Variants in KIAA1549L observed in about 807,000 individuals in gnomAD.
KIAA1549L encodes the protein UPF0606 protein KIAA1549L.
A neutral mutation model predicts 160.7 loss-of-function variants in KIAA1549L; 88 were observed. That is an observed-to-expected ratio of 0.55 (90% CI 0.46 to 0.65). The LOEUF is 0.65. KIAA1549L is among the 30% of genes least tolerant of loss of function. The pLI is 0.00. For synonymous variants in KIAA1549L, 950 were observed against 976.7 expected (o/e 0.97, Z 0.51); for missense variants, 2,258 against 2,437.5 (o/e 0.93, Z 1.55).
intron 1 of KIAA1549L, among the ~76,000 whole-genome samples, chr11:33,463,123 T>C (rs1010840474): frequency 4.6e-5 from 7 of 152,140 alleles, no homozygotes; most frequent in African/African-American, 1.4e-4. Flanking sequence ...GCCACCATGC[T>C]CAGCCAGCTT....
chr11:33,506,586 G>T (rs2133097577), intron 1 of KIAA1549L, among the ~76,000 whole-genome samples: 1 of 151,984 alleles, frequency 6.6e-6, no homozygotes, highest in East Asian at 1.9e-4. Context: ...ACTGGGCATG[G>T]TGGCATTTAG....
intron 16 of KIAA1549L, among the ~76,000 whole-genome samples, chr11:33,632,389 A>G (rs1017084854): frequency 3.4e-4 from 52 of 152,216 alleles, no homozygotes; most frequent in Non-Finnish European, 1.5e-4. Context: ...CCAGCCCTTC[A>G]TGAATCACTG....
At chr11:33,560,457 C>T (rs898624022) in intron 7 of KIAA1549L, among the ~76,000 whole-genome samples, 7 of 152,194 alleles carry the variant, frequency 4.6e-5, no homozygotes, top group Admixed American at 4.6e-4. Context: ...GAGGCTCGGT[C>T]CTGCCTCCAG....
rs758957577 is a variant in KIAA1549L at position 33,645,900 on chromosome 11, C to A, written c.5624C>A (p.Ala1875Asp). The change falls in exon 17 of 21, where the codon GCC becomes GAC. Residue 1875 changes from alanine (A) to aspartate (D), a missense_variant. By Grantham distance (126) the Ala-to-Asp change is moderately radical. Coordinates refer to ENST00000658780, the MANE Select transcript of KIAA1549L (RefSeq NM_012194.3). ...GHAGQSRHQEAYGSAQHLPYS... is the reference protein window; with the variant it reads ...GHAGQSRHQEDYGSAQHLPYS... ...GCAGGCCAGAGCCGGCACCAAGAGG[C>A]CTACGGCTCAGCCCAGCACCTGCCC... The A allele has an allele frequency of 8.7e-6, 14 of 1,613,674 alleles. No individual in the cohort carries two copies. The highest frequency in any genetic ancestry group is 1.3e-5 in the African/African-American group (1 of 75,060).
At chr11:33,377,879 C>T (rs926449277) in intron 1 of KIAA1549L, among the ~76,000 whole-genome samples, 1 of 152,176 alleles carries the variant, frequency 6.6e-6, no homozygotes, top group Non-Finnish European at 1.5e-5. Context: ...AAATATTTCT[C>T]GTCTTCAGCA....
chr11:33,647,106 T>G (rs1851743642), intron 17 of KIAA1549L, among the ~76,000 whole-genome samples: 1 of 152,102 alleles, frequency 6.6e-6, no homozygotes. Flanking sequence ...AATCATGGGT[T>G]GGACATGGTG....
At chr11:33,561,653 G>A (rs1854862757) in intron 7 of KIAA1549L, 23 bp from the exon 8 acceptor site, 3 of 1,548,886 alleles carry the variant, frequency 1.9e-6, no homozygotes, top group Admixed American at 1.7e-5. Context: ...AAAGTAATTG[G>A]GTATGTTTCT....
intron 1 of KIAA1549L, among the ~76,000 whole-genome samples, chr11:33,433,000 A>G (rs1040049769): frequency 2.0e-5 from 3 of 152,240 alleles, no homozygotes; most frequent in Non-Finnish European, 4.4e-5. Context: ...AACCTAGGCA[A>G]TACCATTCAG....
intron 1 of KIAA1549L, among the ~76,000 whole-genome samples, chr11:33,483,510 C>T (rs1852456620): frequency 6.6e-6 from 1 of 152,046 alleles, no homozygotes; most frequent in Non-Finnish European, 1.5e-5. Flanking sequence ...CTTGGCATAC[C>T]ACTGGGCATG....
chr11:33,616,626 C>T (rs1363288430), intron 15 of KIAA1549L, among the ~76,000 whole-genome samples: 3 of 152,152 alleles, frequency 2.0e-5, no homozygotes, highest in Non-Finnish European at 4.4e-5. Context: ...GCTGTATTCC[C>T]AAGGCTAATG....
At chr11:33,379,853 A>T (rs1303772643) in intron 1 of KIAA1549L, among the ~76,000 whole-genome samples, 1 of 152,206 alleles carries the variant, frequency 6.6e-6, no homozygotes, top group Non-Finnish European at 1.5e-5. Flanking sequence ...AAACGATGGA[A>T]TGTTTACTCT....
chr11:33,596,742 C>CA (rs1298766927), intron 12 of KIAA1549L, among the ~76,000 whole-genome samples: 1 of 152,120 alleles, frequency 6.6e-6, no homozygotes, highest in Non-Finnish European at 1.5e-5. Flanking sequence ...CTCAAAAACT[C>CA]AATCAGTCAT....
intron 11 of KIAA1549L, among the ~76,000 whole-genome samples, chr11:33,584,963 G>A (rs915012265): frequency 6.6e-6 from 1 of 152,200 alleles, no homozygotes; most frequent in Non-Finnish European, 1.5e-5. Flanking sequence ...CCTTGCGGGG[G>A]TCACGCATGC....
chr11:33,465,776 A>G (rs1408985377), intron 1 of KIAA1549L, among the ~76,000 whole-genome samples: 3 of 152,216 alleles, frequency 2.0e-5, no homozygotes, highest in Admixed American at 2.0e-4. Context: ...TGTGCCGGGA[A>G]AACTGGCTAG....
At chr11:33,627,857 A>C (rs1222482789) in intron 16 of KIAA1549L, among the ~76,000 whole-genome samples, 4 of 150,446 alleles carry the variant, frequency 2.7e-5, no homozygotes, top group Admixed American at 1.3e-4. Flanking sequence ...TTGCTTTTCT[A>C]GTTCTTTTAA....
At chr11:33,506,713 T>TA (rs200555881) in intron 1 of KIAA1549L, among the ~76,000 whole-genome samples, 34,827 of 110,296 alleles carry the variant, frequency 0.32, 4,867 homozygotes, top group East Asian at 0.4. Flanking sequence ...AACACCTTGC[T>TA]AAAAAAAAAA....
At chr11:33,583,555 C>A in intron 11 of KIAA1549L, 54 bp downstream of exon 11, 3 of 1,482,546 alleles carry the variant, frequency 2.0e-6, no homozygotes, top group Non-Finnish European at 2.7e-6. Flanking sequence ...AGGAGCTCAG[C>A]CTGCCTTTCC....
intron 16 of KIAA1549L, among the ~76,000 whole-genome samples, chr11:33,628,209 G>A (rs980843011): frequency 2.5e-4 from 38 of 152,152 alleles, no homozygotes; most frequent in Non-Finnish European, 7.3e-5. Context: ...TTCCAAGTTT[G>A]TGGTCAATTT....
intron 1 of KIAA1549L, among the ~76,000 whole-genome samples, chr11:33,401,120 C>T (rs947933854): frequency 6.6e-6 from 1 of 151,788 alleles, no homozygotes; most frequent in African/African-American, 2.4e-5. Flanking sequence ...TTTTCACATC[C>T]GTTGTCTCTG....
Sources: gnomAD v4.1 joint callset for allele counts (sites outside exome capture counted in the v4.1 genomes callset) on GRCh38, gnomAD v4.1.1 for gene constraint, MANE v1.5 for transcripts, NCBI Gene and HGNC (gene_info 2026-07-23, HGNC 2026-07-21) for gene names.